Variants in GTF2H1 observed in about 807,000 individuals in gnomAD.
GTF2H1 encodes the protein general transcription factor IIH subunit 1.
GTF2H1 carries 16 observed loss-of-function variants against 71.2 expected under a neutral mutation model. The observed-to-expected ratio is 0.22, with a 90% confidence interval of 0.15 to 0.34. GTF2H1 has a LOEUF of 0.34. GTF2H1 is among the 10% of genes least tolerant of loss of function. GTF2H1 has a pLI of 1.00. For missense variants in GTF2H1, 498 were observed against 648.2 expected (o/e 0.77, Z 2.52); for synonymous variants, 215 against 219.0 (o/e 0.98, Z 0.16).
Position 18,347,844 on chromosome 11 carries a change from T to C in GTF2H1, c.978T>C (p.Asn326=). The C allele has an allele frequency of 6.2e-7, 1 of 1,604,508 alleles. No individual in the cohort carries two copies. The highest frequency in any genetic ancestry group is 8.5e-7 in the Non-Finnish European group (1 of 1,176,814). ...AAGLRKQEAQ[N]EQTSEPSNMD... is the part of the protein sequence containing the mutation. ...CCTTTATTTTAAGAGAAGCACAAAA[T>C]GAACAAACTAGTGAGCCCAGCAACA... The change falls in exon 9 of 15, where the codon AAT becomes AAC. Residue 326 remains asparagine (N), a synonymous_variant. Transcript: ENST00000265963.
chr11:18,336,026 T>TC (rs1865019207), intron 3 of GTF2H1, 80 bp downstream of exon 3: 1 of 960,954 alleles, frequency 1.0e-6, no homozygotes, highest in Non-Finnish European at 1.5e-6. Flanking sequence ...TTGTTAGCTA[T>TC]CCCCACGTTT....
rs1217826867 is a variant in GTF2H1, at chr11:18,331,166, C to T, written c.-15-1894C>T. 3.3e-5 allele frequency among the ~76,000 whole-genome samples: 5 copies of T among 152,098 alleles called. No individual in the cohort carries two copies. In the South Asian group the frequency reaches 8.3e-4, roughly 25 times the overall value. On this transcript the variant is annotated intron_variant, in intron 1 of 14. Coordinates refer to ENST00000265963, the MANE Select transcript of GTF2H1 (RefSeq NM_005316.4). ...GGGCTCAAGCGATTCTCCTGATTCT[C>T]CCGCTTCAGCATTCCAAGTAGCTGG...
chr11:18,339,052 A>T (rs962378172), intron 4 of GTF2H1, among the ~76,000 whole-genome samples: 1 of 152,216 alleles, frequency 6.6e-6, no homozygotes, highest in Non-Finnish European at 1.5e-5. Context: ...GGAATACCTT[A>T]TCTGTGGAAT....
intron 9 of GTF2H1, chr11:18,348,271 G>C: frequency 2.7e-6 from 1 of 376,028 alleles, no homozygotes; most frequent in Admixed American, 4.5e-5. Context: ...GAAGTTTCAT[G>C]TATATGATTT....
At chr11:18,359,154 T>C (rs1451004864) in intron 13 of GTF2H1, among the ~76,000 whole-genome samples, 2 of 152,214 alleles carry the variant, frequency 1.3e-5, no homozygotes, top group African/African-American at 4.8e-5. Context: ...GCAAACACTT[T>C]ACAAGCAACT....
At position 18,349,273 on chromosome 11, in the gene GTF2H1, C is replaced by T. The variant is rs1346139796; in HGVS notation, c.1053+1354C>T. Among the ~76,000 whole-genome samples the T allele has an allele frequency of 3.3e-5, 5 of 152,172 alleles. No homozygotes were observed. The East Asian group carries it at 9.7e-4, about 29-fold the overall frequency. On this transcript the variant is annotated intron_variant, in intron 9 of 14. Coordinates refer to ENST00000265963, the MANE Select transcript of GTF2H1 (RefSeq NM_005316.4). ...GCCAGTGAGGTATTTCTTTTTTGAA[C>T]TAAAGCAAAGCTAATAATAAGTTAT... is the stretch of plus-strand genomic sequence containing the variant.
chr11:18,336,818 G>A (rs894148740), intron 3 of GTF2H1, among the ~76,000 whole-genome samples: 6 of 150,236 alleles, frequency 4.0e-5, no homozygotes, highest in Non-Finnish European at 8.9e-5. Context: ...GCAGTGGCGT[G>A]ATCTCAGCTC....
chr11:18,364,936 A>G (rs1865783188), intron 14 of GTF2H1, among the ~76,000 whole-genome samples: 1 of 152,064 alleles, frequency 6.6e-6, no homozygotes, highest in South Asian at 2.1e-4. Context: ...TTCTGCCAAG[A>G]TGTATATACG....
Position 18,333,017 on chromosome 11 carries a change from T to C in GTF2H1, c.-15-43T>C, listed in dbSNP as rs1043929076. 80 of 1,374,634 alleles carry C rather than the reference T, an allele frequency of 5.8e-5. 1 individual carries two copies. The East Asian group carries it at 1.7e-3, about 29-fold the overall frequency. The allele number at this position is 1,374,634 out of a possible 1,614,324, so 85.2% of individuals were successfully genotyped here. A position where few individuals can be genotyped will look rare whatever the true frequency, so the allele number is the denominator to read the frequency against. On this transcript the variant is annotated intron_variant, in intron 1 of 14. Transcript: ENST00000265963. ...AGTCAACAAATTCAACCCTAATTGATGTGTGGAATAGTTTTTTTCTTCATC... is the reference window on the plus strand; with the variant it reads ...AGTCAACAAATTCAACCCTAATTGACGTGTGGAATAGTTTTTTTCTTCATC...
intron 13 of GTF2H1, among the ~76,000 whole-genome samples, chr11:18,360,372 C>T (rs1160949858): frequency 2.0e-5 from 3 of 152,124 alleles, no homozygotes; most frequent in Non-Finnish European, 2.9e-5. Context: ...CCGCCCACCT[C>T]GGCCTCCCAA....
intron 3 of GTF2H1, 94 bp downstream of exon 3, chr11:18,336,040 C>T (rs568824830): frequency 1.8e-5 from 16 of 883,486 alleles, no homozygotes; most frequent in South Asian, 7.9e-5. Flanking sequence ...CACGTTTTTT[C>T]GGTTTTGGTT....
At chr11:18,332,076 C>T (rs1462157276) in intron 1 of GTF2H1, among the ~76,000 whole-genome samples, 1 of 94,964 alleles carries the variant, frequency 1.1e-5, no homozygotes, top group African/African-American at 4.3e-5. Flanking sequence ...TACCTCCTGC[C>T]TTGGCCTCCC....
chr11:18,347,782 G>A (rs1231762644), intron 8 of GTF2H1, 50 bp from the exon 9 acceptor site: 5 of 1,595,712 alleles, frequency 3.1e-6, no homozygotes, highest in Non-Finnish European at 4.3e-6. Flanking sequence ...TTGTGGTGTT[G>A]TTTTGCTTGT....
intron 5 of GTF2H1, among the ~76,000 whole-genome samples, chr11:18,340,664 A>G (rs776336173): frequency 1.3e-5 from 2 of 152,136 alleles, no homozygotes; most frequent in South Asian, 2.1e-4. Context: ...TTCTTTTTCT[A>G]TAGTAACTGA....
chr11:18,331,424 T>G (rs561927778), intron 1 of GTF2H1, among the ~76,000 whole-genome samples: 1 of 151,770 alleles, frequency 6.6e-6, no homozygotes, highest in Non-Finnish European at 1.5e-5. Flanking sequence ...CCCAGCACTT[T>G]GGGAGGCCAA....
At chr11:18,339,704 T>TTTAAC in intron 5 of GTF2H1, 47 bp downstream of exon 5, 1 of 1,083,656 alleles carries the variant, frequency 9.2e-7, no homozygotes, top group Non-Finnish European at 1.4e-6. Flanking sequence ...ATGGATATAT[T>TTTAAC]CTATAGTATA....
intron 7 of GTF2H1, among the ~76,000 whole-genome samples, chr11:18,345,820 C>T (rs1361264334): frequency 1.5e-5 from 1 of 67,190 alleles, no homozygotes; most frequent in East Asian, 9.9e-4. Context: ...GAGACGGAGT[C>T]TTGCTGTCAC....
At chr11:18,332,381 T>G (rs764306816) in intron 1 of GTF2H1, among the ~76,000 whole-genome samples, 1 of 152,138 alleles carries the variant, frequency 6.6e-6, no homozygotes, top group Non-Finnish European at 1.5e-5. Flanking sequence ...CCTGGAGGAT[T>G]TGGGTTGGGC....
chr11:18,340,866 C>CGCTT (rs1382598292), intron 5 of GTF2H1, among the ~76,000 whole-genome samples: 1 of 151,996 alleles, frequency 6.6e-6, no homozygotes, highest in Non-Finnish European at 1.5e-5. Flanking sequence ...GTGTGTAAGC[C>CGCTT]GCTGGAGTGC....
Sources: allele counts gnomAD v4.1 joint callset (sites outside exome capture counted in the v4.1 genomes callset), GRCh38; gene constraint gnomAD v4.1.1; transcripts MANE v1.5; gene names NCBI Gene and HGNC (gene_info 2026-07-23, HGNC 2026-07-21).